RNF217: variants seen among roughly 807,000 people sequenced by gnomAD.
RNF217 encodes ring finger protein 217.
A neutral mutation model predicts 57.8 loss-of-function variants in RNF217; 31 were observed. The ratio of observed to expected loss-of-function variants is 0.54; its 90% CI spans 0.40 to 0.72. The LOEUF (loss-of-function observed/expected upper bound fraction) is 0.72, where lower values mean the gene tolerates loss of function less well. RNF217 is among the 30% of genes least tolerant of loss of function. RNF217 has a pLI of 0.00. For missense variants in RNF217, 696 were observed against 708.3 expected, an observed-to-expected ratio of 0.98 and a Z score of 0.20; for synonymous variants, 313 against 294.0, an observed-to-expected ratio of 1.06 and a Z score of -0.66.
intron 1 of RNF217, among the ~76,000 whole-genome samples, chr6:124,977,887 T>A (rs1020121062): frequency 3.3e-5 from 5 of 152,198 alleles, no homozygotes; most frequent in African/African-American, 1.2e-4. Context: ...AATCTTTTCT[T>A]CCACTGGCTA....
At chr6:125,019,058 C>T (rs1034641787) in intron 1 of RNF217, among the ~76,000 whole-genome samples, 1 of 152,114 alleles carries the variant, frequency 6.6e-6, no homozygotes, top group Non-Finnish European at 1.5e-5. Flanking sequence ...GACATTTGAT[C>T]TCCCAGTAAA....
At chr6:124,997,060 T>C (rs1013577953) in intron 1 of RNF217, among the ~76,000 whole-genome samples, 1 of 152,218 alleles carries the variant, frequency 6.6e-6, no homozygotes, top group East Asian at 1.9e-4. Context: ...GTAGAGTCTA[T>C]TTTTTCATCA....
In RNF217 at chr6:125,013,459, C is replaced by G. The variant is rs534344226; in HGVS notation, c.883-31752C>G. Among the ~76,000 whole-genome samples the G allele has an allele frequency of 1.5e-4, 22 of 148,048 alleles. No homozygotes were observed. In the South Asian group the frequency reaches 4.0e-3, roughly 27 times the overall value. ...ATGTTCATAAGAGACCTGAATGATG[C>G]AAGAAAATGAGTCATGAAACATCTA... On this transcript the variant is annotated intron_variant, in intron 1 of 5. Transcript: ENST00000521654.
intron 1 of RNF217, among the ~76,000 whole-genome samples, chr6:124,980,940 T>A (rs921502767): frequency 6.6e-6 from 1 of 152,252 alleles, no homozygotes; most frequent in Non-Finnish European, 1.5e-5. Flanking sequence ...AATAGATATG[T>A]TCCATGTGCA....
intron 1 of RNF217, among the ~76,000 whole-genome samples, chr6:124,984,833 G>C (rs1490785587): frequency 6.6e-6 from 1 of 152,020 alleles, no homozygotes; most frequent in African/African-American, 2.4e-5. Flanking sequence ...TTCCCTCTAA[G>C]CAAAGAATTC....
At chr6:124,964,089 C>A (rs1014570679) in intron 1 of RNF217, among the ~76,000 whole-genome samples, 26 of 152,202 alleles carry the variant, frequency 1.7e-4, no homozygotes, top group Non-Finnish European at 3.7e-4. Context: ...GTGAAACTTT[C>A]CTCCTCTGCT....
chr6:124,978,618 A>G lies in RNF217; in HGVS notation c.882+15192A>G, dbSNP rs78479972. Among the ~76,000 whole-genome samples the G allele has an allele frequency of 2.8e-4, 42 of 152,162 alleles. No homozygotes were observed. In the East Asian group the frequency reaches 7.9e-3, roughly 29 times the overall value. ...ACAGCTTTCTTTTTCCCATAGTCTG[A>G]CAAGCGGGAGTGTGCTGCAGCTCCT... On this transcript the variant is annotated intron_variant, in intron 1 of 5. Transcript: ENST00000521654.
chr6:125,034,491 A>G (rs1459793890), intron 1 of RNF217, among the ~76,000 whole-genome samples: 7 of 152,208 alleles, frequency 4.6e-5, no homozygotes, highest in Non-Finnish European at 8.8e-5. Context: ...GGTTTGTCAA[A>G]GATCAGATAG....
chr6:125,076,996 A>T (rs1295087195), intron 4 of RNF217, 138 bp downstream of exon 4: 2 of 731,312 alleles, frequency 2.7e-6, no homozygotes, highest in Non-Finnish European at 4.5e-6. Flanking sequence ...CTCACCCTTT[A>T]AGAATAAAAT....
At chr6:125,043,508 C>T (rs1306720101) in intron 1 of RNF217, among the ~76,000 whole-genome samples, 1 of 151,940 alleles carries the variant, frequency 6.6e-6, no homozygotes, top group Non-Finnish European at 1.5e-5. Context: ...CCGTACCTGC[C>T]TCAGAATTGT....
chr6:124,965,403 G>A (rs773216477), intron 1 of RNF217, among the ~76,000 whole-genome samples: 27 of 151,876 alleles, frequency 1.8e-4, no homozygotes, highest in African/African-American at 5.8e-4. Flanking sequence ...GTGAAACCCC[G>A]TCTCTACTAA....
chr6:125,058,837 A>C (rs1468475122), intron 3 of RNF217, among the ~76,000 whole-genome samples: 2 of 152,162 alleles, frequency 1.3e-5, no homozygotes, highest in Non-Finnish European at 1.5e-5. Context: ...GTTTTAAAAA[A>C]TCTTACTGTA....
At chr6:125,005,331 A>T (rs1486590081) in intron 1 of RNF217, among the ~76,000 whole-genome samples, 1 of 152,236 alleles carries the variant, frequency 6.6e-6, no homozygotes, top group East Asian at 1.9e-4. Flanking sequence ...GCATATTGAG[A>T]CATCAAAGGA....
intron 1 of RNF217, among the ~76,000 whole-genome samples, chr6:125,040,515 G>A (rs141948041): frequency 1.2e-3 from 181 of 152,052 alleles, no homozygotes; most frequent in African/African-American, 4.2e-3. Flanking sequence ...CAGAGGTACA[G>A]AGGAGCTAAT....
At chr6:124,978,669 G>A (rs1307414768) in intron 1 of RNF217, among the ~76,000 whole-genome samples, 2 of 152,054 alleles carry the variant, frequency 1.3e-5, no homozygotes, top group Non-Finnish European at 2.9e-5. Flanking sequence ...ACAGCTCAGT[G>A]GGCAGAAGGG....
At position 125,084,472 on chromosome 6, in the gene RNF217, CT is replaced by C. The variant is rs1394498500; in HGVS notation, c.*1536del. On this transcript the variant is annotated 3_prime_UTR_variant, in exon 6 of 6. Transcript: ENST00000521654. ...TCTCCAAATTCTTAAAATTAGTCAT[CT>C]GTCTTAGATGTACATTTATTTGTCA... The C allele has an allele frequency of 6.6e-6, 1 of 151,954 alleles. No homozygotes were observed. Among genetic ancestry groups the C allele is most frequent in the Non-Finnish European group, 1.5e-5 (1 of 67,912 alleles). The allele number at this position is 151,954 out of a possible 1,614,324, so 9.4% of individuals were successfully genotyped here.
Position 125,083,026 on chromosome 6 carries a change from C to A in RNF217, c.*89C>A. The A allele has an allele frequency of 1.2e-6, 1 of 830,916 alleles. No individual in the cohort carries two copies. The allele number at this position is 830,916 out of a possible 1,614,324, so 51.5% of individuals were successfully genotyped here. On this transcript the variant is annotated 3_prime_UTR_variant, in exon 6 of 6. Coordinates refer to ENST00000521654, the MANE Select transcript of RNF217 (RefSeq NM_001286398.3). ...TCTGTGAGTCACATCTTGAAAAACA[C>A]TGAGAGGAACCTTCTACCATCTCAT... is the stretch of plus-strand genomic sequence containing the variant.
At chr6:125,066,731 A>G (rs1460951608) in intron 3 of RNF217, among the ~76,000 whole-genome samples, 2 of 151,204 alleles carry the variant, frequency 1.3e-5, no homozygotes, top group Non-Finnish European at 2.9e-5. Flanking sequence ...TGCAGCTGTG[A>G]GAGCAGAGAT....
intron 1 of RNF217, among the ~76,000 whole-genome samples, chr6:125,022,357 T>C (rs1312132149): frequency 6.6e-6 from 1 of 152,250 alleles, no homozygotes; most frequent in African/African-American, 2.4e-5. Context: ...AGTAACAGTT[T>C]TGAAAATTAA....
Sources: gnomAD v4.1 joint callset for allele counts (sites outside exome capture counted in the v4.1 genomes callset) on GRCh38, gnomAD v4.1.1 for gene constraint, MANE v1.5 for transcripts, NCBI Gene and HGNC (gene_info 2026-07-23, HGNC 2026-07-21) for gene names.